CPA6: variants seen among roughly 807,000 people sequenced by gnomAD.
The protein encoded by CPA6 is carboxypeptidase A6.
Under a neutral mutation model 63.3 loss-of-function variants are expected in CPA6, and 58 were observed. The observed-to-expected ratio is 0.92, with a 90% CI of 0.74 to 1.14. The LOEUF (loss-of-function observed/expected upper bound fraction) is 1.14. Ranked by LOEUF, CPA6 falls within the 50% of genes most tolerant of loss-of-function variation. CPA6 has a pLI of 0.00. For synonymous variants in CPA6, 185 were observed against 179.0 expected, an observed-to-expected ratio of 1.03 and a Z score of -0.27; for missense variants, 565 against 526.6, an observed-to-expected ratio of 1.07 and a Z score of -0.71.
At chr8:67,680,018 A>C (rs913103591) in intron 1 of CPA6, among the ~76,000 whole-genome samples, 10 of 152,196 alleles carry the variant, frequency 6.6e-5, no homozygotes, top group African/African-American at 2.4e-4. Context: ...GCTTGGACTT[A>C]AAGTTATTTA....
chr8:67,476,604 G>T (rs1458743457), intron 8 of CPA6, among the ~76,000 whole-genome samples: 8 of 141,364 alleles, frequency 5.7e-5, no homozygotes, highest in African/African-American at 2.1e-4. Flanking sequence ...CAATTCATAT[G>T]GTTATTCTGA....
intron 2 of CPA6, among the ~76,000 whole-genome samples, chr8:67,615,565 C>A (rs1426813943): frequency 6.6e-6 from 1 of 152,076 alleles, no homozygotes; most frequent in Non-Finnish European, 1.5e-5. Flanking sequence ...AAGTAAAGGT[C>A]TTTTTTAAGC....
At chr8:67,645,495 G>T (rs1218453237) in intron 1 of CPA6, among the ~76,000 whole-genome samples, 1 of 152,216 alleles carries the variant, frequency 6.6e-6, no homozygotes, top group African/African-American at 2.4e-5. Context: ...AAAGGGTTGT[G>T]AAGGGGCTGT....
intron 1 of CPA6, among the ~76,000 whole-genome samples, chr8:67,740,800 C>G (rs991386364): frequency 2.0e-5 from 3 of 152,152 alleles, no homozygotes; most frequent in Non-Finnish European, 4.4e-5. Flanking sequence ...GAACTCCTGA[C>G]CTCAGGTGAT....
chr8:67,478,576 C>A lies in CPA6; in HGVS notation c.838+5192G>T, dbSNP rs962634915. ...AGAATTGAATTGAATTATAAGACAC[C>A]CAGCTGGTGTCCACTGCAGAGTTGC... On this transcript the variant is annotated intron_variant, in intron 8 of 10. Coordinates refer to ENST00000297770, the MANE Select transcript of CPA6 (RefSeq NM_020361.5). Among the ~76,000 whole-genome samples, 65 of 152,098 alleles carry A rather than the reference C, an allele frequency of 4.3e-4. 1 individual carries two copies. The highest frequency in any genetic ancestry group is 1.6e-4 in the Non-Finnish European group (11 of 68,020).
chr8:67,451,504 A>C (rs1260982536), intron 8 of CPA6, among the ~76,000 whole-genome samples: 1 of 152,182 alleles, frequency 6.6e-6, no homozygotes, highest in Non-Finnish European at 1.5e-5. Flanking sequence ...TGAGTTTTAT[A>C]ATTCTTTCAT....
intron 6 of CPA6, among the ~76,000 whole-genome samples, chr8:67,501,144 T>C (rs1811823105): frequency 6.6e-6 from 1 of 152,152 alleles, no homozygotes. Context: ...TAAATCTCTA[T>C]ATCAATTTGA....
intron 1 of CPA6, among the ~76,000 whole-genome samples, chr8:67,673,082 G>C (rs1165898250): frequency 6.6e-6 from 1 of 152,104 alleles, no homozygotes; most frequent in Non-Finnish European, 1.5e-5. Context: ...AATATACAAA[G>C]ATGAACTGTG....
In CPA6 at chr8:67,710,937, A is replaced by G. The variant is rs141710445; in HGVS notation, c.116+35077T>C. ...GTCATTTGGTAATGACCATTGTCTT[A>G]GTAATAAAAAAAATACAAAGTAATG... On this transcript the variant is annotated intron_variant, in intron 1 of 10. Coordinates refer to ENST00000297770, the MANE Select transcript of CPA6 (RefSeq NM_020361.5). Among the ~76,000 whole-genome samples the G allele has an allele frequency of 6.4e-3, 976 of 152,366 alleles. 13 individuals are homozygous for G. The highest frequency in any genetic ancestry group is 0.018 in the African/African-American group (730 of 41,580).
At chr8:67,603,658 TG>T (rs1814552817) in intron 2 of CPA6, among the ~76,000 whole-genome samples, 2 of 152,218 alleles carry the variant, frequency 1.3e-5, no homozygotes. Flanking sequence ...CACCTGGGGT[TG>T]TGGTAGTCCA....
At chr8:67,734,966 T>G (rs2553671) in intron 1 of CPA6, among the ~76,000 whole-genome samples, 99,102 of 152,052 alleles carry the variant, frequency 0.65, 36,662 homozygotes, top group Non-Finnish European at 0.81. Context: ...TTCCAGCTTC[T>G]GTAAGTGCAA....
rs1284694603 is a variant in CPA6, at chr8:67,437,369, TG to T, written c.839-3130del. Among the ~76,000 whole-genome samples, 3 of 152,198 alleles carry T rather than the reference TG, an allele frequency of 2.0e-5. No individual in the cohort carries two copies. In the East Asian group the frequency reaches 5.8e-4, roughly 29 times the overall value. ...GAGCTTGCGCCACCGCACTCCAGCC[TG>T]GGCGACAGAGCGAGACTCTGTCTCA... On this transcript the variant is annotated intron_variant, in intron 8 of 10. Transcript: ENST00000297770.
chr8:67,561,406 T>C (rs1813209498), intron 2 of CPA6, among the ~76,000 whole-genome samples: 1 of 152,166 alleles, frequency 6.6e-6, no homozygotes, highest in African/African-American at 2.4e-5. Context: ...CTCATGCTAC[T>C]TGATTGGATA....
intron 2 of CPA6, among the ~76,000 whole-genome samples, chr8:67,573,506 A>C (rs1284942423): frequency 6.9e-6 from 1 of 144,176 alleles, no homozygotes; most frequent in Non-Finnish European, 1.5e-5. Context: ...AAATCAAGAG[A>C]ACAATCCCAT....
chr8:67,626,495 AC>A (rs1438388809), intron 1 of CPA6, among the ~76,000 whole-genome samples: 1 of 152,188 alleles, frequency 6.6e-6, no homozygotes, highest in African/African-American at 2.4e-5. Flanking sequence ...CACACAAACC[AC>A]CTCTCAGTAT....
At chr8:67,715,740 A>G (rs184611497) in intron 1 of CPA6, among the ~76,000 whole-genome samples, 1 of 152,364 alleles carries the variant, frequency 6.6e-6, no homozygotes, top group Non-Finnish European at 1.5e-5. Flanking sequence ...TTGGCCATTA[A>G]CGTAACAAAA....
At chr8:67,656,995 T>C (rs935788806) in intron 1 of CPA6, among the ~76,000 whole-genome samples, 3 of 152,186 alleles carry the variant, frequency 2.0e-5, no homozygotes, top group Admixed American at 6.5e-5. Flanking sequence ...ATGAAGAATA[T>C]GATCCTATGT....
At chr8:67,442,003 A>AT (rs1160348308) in intron 8 of CPA6, among the ~76,000 whole-genome samples, 1 of 152,300 alleles carries the variant, frequency 6.6e-6, no homozygotes, top group East Asian at 1.9e-4. Flanking sequence ...GTCATATATA[A>AT]TGAATGTAGA....
At chr8:67,592,772 C>T (rs2128981336) in intron 2 of CPA6, among the ~76,000 whole-genome samples, 1 of 152,238 alleles carries the variant, frequency 6.6e-6, no homozygotes, top group East Asian at 1.9e-4. Context: ...TTTGATTCTT[C>T]TCTTTTTTCT....
Sources: gnomAD v4.1 joint callset for allele counts (sites outside exome capture counted in the v4.1 genomes callset) on GRCh38, gnomAD v4.1.1 for gene constraint, MANE v1.5 for transcripts, NCBI Gene and HGNC (gene_info 2026-07-23, HGNC 2026-07-21) for gene names.